Variants in HDAC4 observed in about 807,000 individuals in gnomAD.
HDAC4 encodes histone deacetylase 4.
In HDAC4, 16 loss-of-function variants were observed where a neutral mutation model predicts 135.1. That is an observed-to-expected ratio of 0.12 (90% confidence interval 0.08 to 0.18). The LOEUF (loss-of-function observed/expected upper bound fraction) is 0.18, where lower values mean the gene tolerates loss of function less well. Ranked by LOEUF, HDAC4 falls within the 10% of genes least tolerant of loss-of-function variation. HDAC4 has a pLI of 1.00. For missense variants in HDAC4, 1,143 were observed against 1,511.8 expected (o/e 0.76, Z 4.05); for synonymous variants, 685 against 653.4 (o/e 1.05, Z -0.74).
At position 239,094,265 on chromosome 2, in the gene HDAC4, A is replaced by G. The variant is rs1295008034; in HGVS notation, c.2280+745T>C. The stretch of plus-strand genomic sequence containing the variant: ...TGCCACCCCTGCCCAGGCTGCATCA[A>G]GGAGGTCAGGGGCCAGGGGAGAACT... On this transcript the variant is annotated intron_variant, in intron 17 of 26. Coordinates refer to ENST00000543185, the MANE Select transcript of HDAC4 (RefSeq NM_001378414.1). 3 of 985,322 alleles carry G rather than the reference A, an allele frequency of 3.0e-6. No homozygotes were observed. In the Admixed American group the frequency reaches 1.8e-4, roughly 61 times the overall value. The allele number at this position is 985,322 out of a possible 1,614,324, so 61.0% of individuals were successfully genotyped here.
intron 13 of HDAC4, among the ~76,000 whole-genome samples, chr2:239,112,548 CTG>C (rs2038771695): frequency 6.6e-6 from 1 of 152,154 alleles, no homozygotes; most frequent in African/African-American, 2.4e-5. Flanking sequence ...GGGCTGGGCT[CTG>C]TGTGTGGGGG....
At chr2:239,135,373 A>G (rs1220827819) in intron 9 of HDAC4, among the ~76,000 whole-genome samples, 1 of 152,326 alleles carries the variant, frequency 6.6e-6, no homozygotes, top group East Asian at 1.9e-4. Flanking sequence ...TCAAACAACT[A>G]ACAGTGAGAA....
Position 239,115,015 on chromosome 2 carries a change from C to A in HDAC4, c.1791+38G>T. On this transcript the variant is annotated intron_variant, in intron 13 of 26. Transcript: ENST00000543185. The surrounding 1 kb of genome is among the most constrained non-coding windows in gnomAD (Gnocchi z 6.3). The stretch of plus-strand genomic sequence containing the variant: ...CACCTGGGGACCGAGGGTGGCTGTG[C>A]GTGCCAGCCTTCTGGTGCCCTCCCC... 6.2e-7 allele frequency: 1 copy of A among 1,603,310 alleles called. No homozygotes were observed. The highest frequency in any genetic ancestry group is 2.2e-5 in the East Asian group (1 of 44,830).
intron 1 of HDAC4, among the ~76,000 whole-genome samples, chr2:239,354,404 T>C (rs72994555): frequency 0.2 from 31,134 of 151,950 alleles, 3,406 homozygotes; most frequent in Middle Eastern, 0.23. Flanking sequence ...GCCTCTTCAA[T>C]AGATCAGTCA....
chr2:239,278,868 G>A (rs1295853371), intron 2 of HDAC4, among the ~76,000 whole-genome samples: 1 of 152,180 alleles, frequency 6.6e-6, no homozygotes, highest in East Asian at 1.9e-4. Flanking sequence ...CACTCCTGAA[G>A]CCAGGTGCAG....
chr2:239,283,371 G>A (rs1157235060), intron 2 of HDAC4, among the ~76,000 whole-genome samples: 1 of 152,260 alleles, frequency 6.6e-6, no homozygotes, highest in Non-Finnish European at 1.5e-5. Flanking sequence ...AGGTACAGGA[G>A]CTGCGGGGCT....
intron 12 of HDAC4, among the ~76,000 whole-genome samples, chr2:239,121,000 CTTTTT>C (rs34226161): frequency 6.9e-6 from 1 of 144,742 alleles, no homozygotes; most frequent in African/African-American, 2.6e-5. Context: ...CTTTAAATTT[CTTTTT>C]TTTTTTTTTT....
In HDAC4 at chr2:239,264,910, C is replaced by CT. The variant is rs2049625091; in HGVS notation, c.23-28247dup. On this transcript the variant is annotated intron_variant, in intron 2 of 26. Transcript: ENST00000543185. ...TGCTGGAGGTGTGGCAATGGGCTTT[C>CT]TTTTTTCCATGAGCTGGAAGCTGCC... Among the ~76,000 whole-genome samples, 4 of 152,324 alleles carry CT rather than the reference C, an allele frequency of 2.6e-5. No individual in the cohort carries two copies. The South Asian group carries it at 8.3e-4, about 32-fold the overall frequency.
chr2:239,058,174 GCTGA>G (rs1372118452), intron 24 of HDAC4, among the ~76,000 whole-genome samples: 5 of 152,222 alleles, frequency 3.3e-5, no homozygotes, highest in African/African-American at 1.2e-4. Context: ...GAGTGAGGAT[GCTGA>G]CTGTGTTGAC....
In HDAC4 at chr2:239,308,807, G is replaced by A. The variant is rs763269238; in HGVS notation, c.22+43871C>T. On this transcript the variant is annotated intron_variant, in intron 2 of 26. Transcript: ENST00000543185. This position sits in a 1 kb window ranked among gnomAD's most constrained non-coding sequence, Gnocchi z 4.2. ...CCTGTACCTGTAGCAGGAGGCTCAC[G>A]TTCCGAGTCCTCATTGCTCCCAGAC... Among the ~76,000 whole-genome samples the A allele has an allele frequency of 5.3e-5, 8 of 152,116 alleles. No individual in the cohort carries two copies. Among genetic ancestry groups the A allele is most frequent in the Non-Finnish European group, 8.8e-5 (6 of 68,016 alleles).
At chr2:239,377,154 G>C (rs547756720) in intron 1 of HDAC4, among the ~76,000 whole-genome samples, 2 of 152,282 alleles carry the variant, frequency 1.3e-5, no homozygotes, top group African/African-American at 4.8e-5. Context: ...CTCTATGGCA[G>C]CCCAAAGGCT....
chr2:239,317,718 T>C (rs887331977), intron 2 of HDAC4, among the ~76,000 whole-genome samples: 16 of 152,208 alleles, frequency 1.1e-4, no homozygotes, highest in African/African-American at 2.9e-4. Context: ...GAAAGTTAAC[T>C]ACAGGAGTCC....
At chr2:239,094,847 C>T (rs746258786) in intron 17 of HDAC4, 163 bp downstream of exon 17, 14 of 1,548,298 alleles carry the variant, frequency 9.0e-6, no homozygotes, top group Non-Finnish European at 1.2e-5. Flanking sequence ...GATCAAAACG[C>T]TCTCGGCTCA....
chr2:239,369,402 C>T (rs1029283354), intron 1 of HDAC4, among the ~76,000 whole-genome samples: 9 of 152,222 alleles, frequency 5.9e-5, no homozygotes, highest in South Asian at 2.1e-4. Context: ...CAGAGACAGC[C>T]GCTTGGGCTG....
chr2:239,104,570 G>A (rs2037953754), intron 15 of HDAC4, among the ~76,000 whole-genome samples: 1 of 152,242 alleles, frequency 6.6e-6, no homozygotes, highest in Non-Finnish European at 1.5e-5. Flanking sequence ...GCCCACATGT[G>A]TGTACAGGCA....
chr2:239,111,675 A>G lies in HDAC4; in HGVS notation c.1829T>C (p.Leu610Pro). The G allele has an allele frequency of 6.2e-7, 1 of 1,604,612 alleles. No homozygotes were observed. ...CTCCATGGACGCCTGGTAGTTCCTC[A>G]GCTGGTGGATCCGCTGCTGCTCCAG... ...LLLEQQRIHQ[L>P]RNYQASMEAA... The change falls in exon 14 of 27, where the codon CTG (leucine) becomes CCG (proline). Residue 610 changes from leucine (L) to proline (P), a missense_variant. Physicochemically the swap from Leu to Pro is moderately conservative, Grantham distance 98 (BLOSUM62 -3). Coordinates refer to ENST00000543185, the MANE Select transcript of HDAC4 (RefSeq NM_001378414.1).
At chr2:239,282,427 T>TGCAA (rs1178575211) in intron 2 of HDAC4, among the ~76,000 whole-genome samples, 1 of 146,774 alleles carries the variant, frequency 6.8e-6, no homozygotes. Flanking sequence ...CACACCACTC[T>TGCAA]ACAATGTACA....
intron 1 of HDAC4, among the ~76,000 whole-genome samples, chr2:239,383,108 T>G (rs758663302): frequency 1.1e-4 from 16 of 152,168 alleles, no homozygotes; most frequent in Non-Finnish European, 1.8e-4. Context: ...TACCCAGTGT[T>G]CTCCAACACG....
At chr2:239,382,125 C>G (rs1198849549) in intron 1 of HDAC4, among the ~76,000 whole-genome samples, 1 of 152,270 alleles carries the variant, frequency 6.6e-6, no homozygotes, top group Non-Finnish European at 1.5e-5. Context: ...CAGACTCACA[C>G]CAGCAGGAGC....
Sources: allele counts gnomAD v4.1 joint callset (sites outside exome capture counted in the v4.1 genomes callset), GRCh38; gene constraint gnomAD v4.1.1; non-coding constraint Gnocchi (gnomAD v3.1); transcripts MANE v1.5; gene names NCBI Gene and HGNC (gene_info 2026-07-23, HGNC 2026-07-21).